FAM24B: variants seen among roughly 807,000 people sequenced by gnomAD.
The protein encoded by FAM24B is protein FAM24B.
Under a neutral mutation model 2.3 loss-of-function variants are expected in FAM24B, and 3 were observed. That is an observed-to-expected ratio of 1.29 (90% confidence interval 0.59 to 3.32). The LOEUF (loss-of-function observed/expected upper bound fraction) is 3.32. Among genes scored for constraint, FAM24B ranks in the 30% most tolerant of loss-of-function variants. The pLI is 0.03. For missense variants in FAM24B, 98 were observed against 117.2 expected, an observed-to-expected ratio of 0.84 and a Z score of 0.76; for synonymous variants, 36 against 46.3, an observed-to-expected ratio of 0.78 and a Z score of 0.90.
Position 122,861,097 on chromosome 10 carries a change from T to C in FAM24B, c.-177-5311A>G, listed in dbSNP as rs989090654. Among the ~76,000 whole-genome samples the C allele has an allele frequency of 2.6e-5, 4 of 152,200 alleles. No individual in the cohort carries two copies. The East Asian group carries it at 5.8e-4, about 22-fold the overall frequency. On this transcript the variant is annotated intron_variant, in intron 1 of 3. Coordinates refer to ENST00000368898, the MANE Select transcript of FAM24B (RefSeq NM_152644.3). ...TTTTGTTGTCATATCTAAAATGTCA[T>C]TGCCAAACCCACTGTCATACAGATT... is the stretch of plus-strand genomic sequence containing the variant.
chr10:122,863,438 G>T lies in FAM24B; in HGVS notation c.-177-7652C>A, dbSNP rs568978118. ...CCAGGAATTGAACTCAGCAAATCTG[G>T]TTCCAGAGGCAGGCTATAAACCTCA... On this transcript the variant is annotated intron_variant, in intron 1 of 3. Transcript: ENST00000368898. 3.3e-5 allele frequency among the ~76,000 whole-genome samples: 5 copies of T among 152,298 alleles called. No homozygotes were observed. The South Asian group carries it at 1.0e-3, about 32-fold the overall frequency.
intron 3 of FAM24B, among the ~76,000 whole-genome samples, 154 bp downstream of exon 3, chr10:122,850,270 C>T (rs1416350444): frequency 2.6e-5 from 4 of 152,136 alleles, no homozygotes; most frequent in African/African-American, 9.7e-5. Context: ...TACAAAGCTG[C>T]CTGTTCTTCT....
chr10:122,875,308 T>C (rs1297053701), intron 1 of FAM24B, among the ~76,000 whole-genome samples: 4 of 152,226 alleles, frequency 2.6e-5, no homozygotes, highest in Non-Finnish European at 5.9e-5. Flanking sequence ...TCTGCTTACA[T>C]TACCCATTCA....
chr10:122,858,210 A>G (rs1388266172), intron 1 of FAM24B, among the ~76,000 whole-genome samples: 1 of 152,232 alleles, frequency 6.6e-6, no homozygotes, highest in Non-Finnish European at 1.5e-5. Flanking sequence ...ACACCATGGA[A>G]TACTATGCAG....
intron 1 of FAM24B, among the ~76,000 whole-genome samples, chr10:122,872,917 C>G (rs931700919): frequency 6.6e-6 from 1 of 151,684 alleles, no homozygotes; most frequent in Non-Finnish European, 1.5e-5. Flanking sequence ...GCACATGTAC[C>G]CTAAAACTTA....
chr10:122,861,080 T>A (rs1160173746), intron 1 of FAM24B, among the ~76,000 whole-genome samples: 1 of 152,202 alleles, frequency 6.6e-6, no homozygotes. Flanking sequence ...ATTTTTGTTG[T>A]CATATCTAAA....
chr10:122,878,246 A>G (rs762116745), intron 1 of FAM24B, among the ~76,000 whole-genome samples: 17 of 152,308 alleles, frequency 1.1e-4, no homozygotes, highest in Middle Eastern at 3.4e-3. Flanking sequence ...TTAAGAAGTA[A>G]TGGTGGCCAG....
At chr10:122,858,063 A>C (rs1013854393) in intron 1 of FAM24B, among the ~76,000 whole-genome samples, 62 of 152,350 alleles carry the variant, frequency 4.1e-4, no homozygotes, top group African/African-American at 1.1e-3. Context: ...GTATATACCC[A>C]AAGGATTATA....
intron 1 of FAM24B, among the ~76,000 whole-genome samples, chr10:122,859,892 T>C (rs1847699894): frequency 6.6e-6 from 1 of 151,690 alleles, no homozygotes; most frequent in South Asian, 2.1e-4. Context: ...GGATGAGGAG[T>C]TGTTCAAGGA....
intron 1 of FAM24B, among the ~76,000 whole-genome samples, chr10:122,868,871 T>A (rs1398889231): frequency 6.6e-6 from 1 of 152,156 alleles, no homozygotes; most frequent in African/African-American, 2.4e-5. Context: ...AGAAGCTGCA[T>A]CAACTATCGA....
chr10:122,851,943 C>T (rs1163673025), intron 2 of FAM24B, among the ~76,000 whole-genome samples: 2 of 151,928 alleles, frequency 1.3e-5, no homozygotes, highest in Non-Finnish European at 2.9e-5. Context: ...TCATTGGAAA[C>T]TACAATAACT....
intron 1 of FAM24B, among the ~76,000 whole-genome samples, chr10:122,858,743 A>G (rs866616668): frequency 2.4e-4 from 36 of 152,184 alleles, no homozygotes; most frequent in Middle Eastern, 3.4e-3. Context: ...TGTGGGGCAC[A>G]CAGAGCCTCT....
chr10:122,864,814 A>G (rs1847776664), intron 1 of FAM24B, among the ~76,000 whole-genome samples: 1 of 152,244 alleles, frequency 6.6e-6, no homozygotes, highest in Admixed American at 6.5e-5. Context: ...AGTTGGAACC[A>G]TATAGTATGT....
rs770495348 is a variant in FAM24B at position 122,850,431 on chromosome 10, C to T, written c.85G>A (p.Ala29Thr). 109 of 1,613,320 alleles carry T rather than the reference C, an allele frequency of 6.8e-5. No homozygotes were observed. The highest frequency in any genetic ancestry group is 9.0e-5 in the Non-Finnish European group (106 of 1,179,458). Residue 29 changes from alanine (A) to threonine (T), a missense_variant, in exon 3 of 4, where the codon GCG becomes ACG. Coordinates refer to ENST00000368898, the MANE Select transcript of FAM24B (RefSeq NM_152644.3). ...TTTGAACTTGTGACTCACTTTAGCG[C>T]GTTGTGTATTTTGAAGTAAAGACAG... ...VLCLYFKIHN[A>T]LKAAKEPEAV...
intron 1 of FAM24B, among the ~76,000 whole-genome samples, chr10:122,874,101 C>T (rs536175874): frequency 5.3e-5 from 8 of 152,224 alleles, no homozygotes; most frequent in South Asian, 2.1e-4. Context: ...CTATTGTTGA[C>T]GTGTCCTATT....
Position 122,860,071 on chromosome 10 carries a change from G to T in FAM24B, c.-177-4285C>A, listed in dbSNP as rs147548935. On this transcript the variant is annotated intron_variant, in intron 1 of 3. Transcript: ENST00000368898. ...TTTTAACTTGCACACAGTAAAGTTC[G>T]CTCTTTGTGATGTACAGTAGTATGG... 1.9e-4 allele frequency among the ~76,000 whole-genome samples: 29 copies of T among 151,956 alleles called. No individual in the cohort carries two copies. The East Asian group carries it at 4.6e-3, about 24-fold the overall frequency.
intron 1 of FAM24B, among the ~76,000 whole-genome samples, chr10:122,878,654 C>G (rs1454276233): frequency 1.3e-5 from 2 of 151,906 alleles, no homozygotes; most frequent in African/African-American, 4.8e-5. Context: ...TAATGACTAT[C>G]AACCAGTAAA....
intron 1 of FAM24B, among the ~76,000 whole-genome samples, chr10:122,872,192 T>C (rs1411962071): frequency 2.0e-5 from 3 of 152,250 alleles, no homozygotes; most frequent in South Asian, 2.1e-4. Flanking sequence ...AAAATGCTCA[T>C]CATCACTGGC....
chr10:122,870,321 G>A (rs932490563), intron 1 of FAM24B, among the ~76,000 whole-genome samples: 1 of 152,126 alleles, frequency 6.6e-6, no homozygotes, highest in African/African-American at 2.4e-5. Context: ...AAAAGTCCAG[G>A]ACCAGATGGA....
Sources: allele counts gnomAD v4.1 joint callset (sites outside exome capture counted in the v4.1 genomes callset), GRCh38; gene constraint gnomAD v4.1.1; transcripts MANE v1.5; gene names NCBI Gene and HGNC (gene_info 2026-07-23, HGNC 2026-07-21).